GRM5: variants seen among roughly 807,000 people sequenced by gnomAD.
GRM5 encodes the protein metabotropic glutamate receptor 5.
A neutral mutation model predicts 83.1 loss-of-function variants in GRM5; 19 were observed. The ratio of observed to expected loss-of-function variants is 0.23; its 90% CI spans 0.16 to 0.34. The LOEUF (loss-of-function observed/expected upper bound fraction) is 0.34, where lower values mean the gene tolerates loss of function less well. GRM5 is among the 10% of genes least tolerant of loss of function. The probability of loss-of-function intolerance (pLI) is 1.00; values close to 1 mark genes in which losing one functional copy is unlikely to be tolerated. For missense variants in GRM5, 1,160 were observed against 1,588.3 expected, an observed-to-expected ratio of 0.73 and a Z score of 4.58; for synonymous variants, 675 against 633.6, an observed-to-expected ratio of 1.07 and a Z score of -0.98.
At chr11:88,544,249 A>C (rs1205849723) in intron 8 of GRM5, among the ~76,000 whole-genome samples, 2 of 152,172 alleles carry the variant, frequency 1.3e-5, no homozygotes, top group Non-Finnish European at 2.9e-5. Context: ...GCAACACAAA[A>C]CAGACTAGGA....
intron 2 of GRM5, among the ~76,000 whole-genome samples, chr11:89,007,577 A>G (rs1940564654): frequency 6.6e-6 from 1 of 152,240 alleles, no homozygotes; most frequent in East Asian, 1.9e-4. Context: ...AAGTACAAAG[A>G]GACTAGATAG....
intron 2 of GRM5, among the ~76,000 whole-genome samples, chr11:88,899,107 G>A (rs1746225378): frequency 6.6e-6 from 1 of 151,704 alleles, no homozygotes; most frequent in African/African-American, 2.4e-5. Flanking sequence ...AGATTTTTTT[G>A]ACTAGCCTAC....
chr11:88,624,245 A>G (rs1199191529), intron 4 of GRM5, among the ~76,000 whole-genome samples: 1 of 152,226 alleles, frequency 6.6e-6, no homozygotes, highest in Non-Finnish European at 1.5e-5. Flanking sequence ...CTGATCTGGA[A>G]TAGCATAGGC....
chr11:88,915,990 T>C (rs967857883), intron 2 of GRM5, among the ~76,000 whole-genome samples: 1 of 152,172 alleles, frequency 6.6e-6, no homozygotes, highest in Non-Finnish European at 1.5e-5. Flanking sequence ...TGAAAGGCTA[T>C]GGTCACAATA....
At chr11:88,585,834 T>C (rs908675268) in intron 7 of GRM5, among the ~76,000 whole-genome samples, 2 of 152,172 alleles carry the variant, frequency 1.3e-5, no homozygotes, top group Admixed American at 1.3e-4. Context: ...ACCTGTTAAT[T>C]ATAAGACAAA....
In GRM5 at chr11:88,850,040, C is replaced by T; in HGVS notation, c.777G>A (p.Lys259=). The T allele has an allele frequency of 1.2e-6, 2 of 1,608,102 alleles. No individual in the cohort carries two copies. The highest frequency in any genetic ancestry group is 2.2e-5 in the East Asian group (1 of 44,848). Residue 259 remains lysine (K), a synonymous_variant, in exon 3 of 10, where the codon AAG becomes AAA. Coordinates refer to ENST00000305447, the MANE Select transcript of GRM5 (RefSeq NM_001143831.3). The part of the protein sequence containing the change: ...YSNAGEQSFD[K]LLKKLTSHLP... ...AGTGACTTGTGAGCTTCTTCAGCAGCTTATCAAAGCTCTGCTCCCCTGCAT... is the reference window on the plus strand; with the variant it reads ...AGTGACTTGTGAGCTTCTTCAGCAGTTTATCAAAGCTCTGCTCCCCTGCAT...
intron 2 of GRM5, among the ~76,000 whole-genome samples, chr11:88,993,546 T>C (rs1276382690): frequency 1.3e-5 from 2 of 152,170 alleles, no homozygotes; most frequent in African/African-American, 2.4e-5. Flanking sequence ...CCAGCTTTGA[T>C]CTTTCTCAAA....
At chr11:89,027,556 T>TA (rs1265804936) in intron 2 of GRM5, among the ~76,000 whole-genome samples, 2 of 152,132 alleles carry the variant, frequency 1.3e-5, no homozygotes, top group Non-Finnish European at 2.9e-5. Context: ...CTACATTAAG[T>TA]AAAAAATCCT....
intron 2 of GRM5, among the ~76,000 whole-genome samples, chr11:88,906,057 A>G (rs1389759016): frequency 6.6e-6 from 1 of 152,208 alleles, no homozygotes; most frequent in Non-Finnish European, 1.5e-5. Context: ...TTAGTGTATA[A>G]CAGAAGAGAA....
chr11:88,679,237 G>T (rs1591435073), intron 3 of GRM5, among the ~76,000 whole-genome samples: 1 of 151,970 alleles, frequency 6.6e-6, no homozygotes, highest in East Asian at 1.9e-4. Flanking sequence ...AAAGAGTGAG[G>T]ACATTTAAGA....
chr11:88,737,743 T>C (rs1565208091), intron 3 of GRM5, among the ~76,000 whole-genome samples: 3 of 152,068 alleles, frequency 2.0e-5, no homozygotes, highest in Admixed American at 6.6e-5. Flanking sequence ...ATCTTGGCCA[T>C]AGATTTTTAT....
chr11:88,703,780 T>G (rs551390154), intron 3 of GRM5, among the ~76,000 whole-genome samples: 42 of 152,160 alleles, frequency 2.8e-4, no homozygotes, highest in Non-Finnish European at 4.4e-4. Flanking sequence ...ATACAATAAA[T>G]GCAGTACGAC....
chr11:88,992,325 T>TA (rs2135050171), intron 2 of GRM5, among the ~76,000 whole-genome samples: 1 of 151,986 alleles, frequency 6.6e-6, no homozygotes, highest in South Asian at 2.1e-4. Context: ...AGATACCATC[T>TA]CATACCAGTT....
At chr11:89,031,456 A>G (rs1941261388) in intron 2 of GRM5, among the ~76,000 whole-genome samples, 1 of 151,910 alleles carries the variant, frequency 6.6e-6, no homozygotes, top group Non-Finnish European at 1.5e-5. Flanking sequence ...GTGAAAAATA[A>G]AAAAGACTCT....
intron 5 of GRM5, among the ~76,000 whole-genome samples, chr11:88,603,082 G>A (rs1938043448): frequency 6.6e-6 from 1 of 152,310 alleles, no homozygotes. Flanking sequence ...AAGATTTTAA[G>A]TATGTTGTTC....
intron 3 of GRM5, among the ~76,000 whole-genome samples, chr11:88,779,950 A>G (rs977226330): frequency 7.9e-5 from 12 of 151,976 alleles, no homozygotes; most frequent in African/African-American, 2.7e-4. Context: ...ACTATGTTCC[A>G]GTCATTTTGT....
intron 4 of GRM5, among the ~76,000 whole-genome samples, chr11:88,605,823 T>C (rs1173355093): frequency 6.6e-6 from 1 of 152,208 alleles, no homozygotes; most frequent in East Asian, 1.9e-4. Flanking sequence ...TTGACAAGTA[T>C]GGACTTAGTG....
chr11:88,680,301 T>C (rs1276323373), intron 3 of GRM5, among the ~76,000 whole-genome samples: 1 of 152,066 alleles, frequency 6.6e-6, no homozygotes, highest in African/African-American at 2.4e-5. Context: ...GTTATCATTG[T>C]TCAATTCCCA....
intron 2 of GRM5, among the ~76,000 whole-genome samples, chr11:88,908,502 C>T (rs1945440412): frequency 6.6e-6 from 1 of 152,086 alleles, no homozygotes; most frequent in African/African-American, 2.4e-5. Context: ...TCTTTCTAAA[C>T]CCAGATTCGG....
Sources: allele counts gnomAD v4.1 joint callset (sites outside exome capture counted in the v4.1 genomes callset), GRCh38; gene constraint gnomAD v4.1.1; transcripts MANE v1.5; gene names NCBI Gene and HGNC (gene_info 2026-07-23, HGNC 2026-07-21).